Variants in LMX1A observed in about 807,000 individuals in gnomAD.
LMX1A encodes the protein LIM homeobox transcription factor 1 alpha.
In LMX1A, 15 loss-of-function variants were observed where a neutral mutation model predicts 49.1. The ratio of observed to expected loss-of-function variants is 0.31; its 90% confidence interval spans 0.20 to 0.47. The LOEUF is 0.47. Ranked by LOEUF, LMX1A falls within the 20% of genes least tolerant of loss-of-function variation. LMX1A has a pLI of 1.00. For missense variants in LMX1A, 372 were observed against 475.8 expected (o/e 0.78, Z 2.03); for synonymous variants, 167 against 185.7 (o/e 0.90, Z 0.82).
chr1:165,326,952 C>G (rs1655602914), intron 3 of LMX1A, among the ~76,000 whole-genome samples: 1 of 152,222 alleles, frequency 6.6e-6, no homozygotes, highest in African/African-American at 2.4e-5. Context: ...CAGACACACA[C>G]ACAGAACAAA....
At chr1:165,240,172 T>A (rs1260613638) in intron 4 of LMX1A, among the ~76,000 whole-genome samples, 1 of 152,214 alleles carries the variant, frequency 6.6e-6, no homozygotes, top group Non-Finnish European at 1.5e-5. Flanking sequence ...TACTAGCTTA[T>A]GATAAAAAAT....
At chr1:165,262,834 T>C (rs1309013766) in intron 3 of LMX1A, among the ~76,000 whole-genome samples, 1 of 152,192 alleles carries the variant, frequency 6.6e-6, no homozygotes, top group Non-Finnish European at 1.5e-5. Flanking sequence ...AAAAAAAATT[T>C]TAATTACTTC....
At position 165,236,345 on chromosome 1, in the gene LMX1A, C is replaced by CA. The variant is rs1327199653; in HGVS notation, c.496+13062dup. Among the ~76,000 whole-genome samples, 3 of 151,906 alleles carry CA rather than the reference C, an allele frequency of 2.0e-5. No individual in the cohort carries two copies. The East Asian group carries it at 5.8e-4, about 29-fold the overall frequency. On this transcript the variant is annotated intron_variant, in intron 4 of 8. Transcript: ENST00000342310. ...TTTTCCCTATCATAAATCAATCAAA[C>CA]AAAAATCTATCGTACAGGCTTGCAG...
chr1:165,259,749 T>C (rs1181454673), intron 3 of LMX1A, among the ~76,000 whole-genome samples: 2 of 152,164 alleles, frequency 1.3e-5, no homozygotes, highest in Non-Finnish European at 2.9e-5. Flanking sequence ...ATCAAGAAAC[T>C]AAAGAGATTA....
At chr1:165,349,626 T>C (rs1186853282) in intron 3 of LMX1A, among the ~76,000 whole-genome samples, 1 of 152,174 alleles carries the variant, frequency 6.6e-6, no homozygotes, top group African/African-American at 2.4e-5. Flanking sequence ...TGCTTTTTTT[T>C]TGGTAATCAG....
intron 3 of LMX1A, among the ~76,000 whole-genome samples, chr1:165,253,868 T>C (rs185799491): frequency 1.3e-3 from 204 of 152,158 alleles, no homozygotes; most frequent in Non-Finnish European, 2.6e-3. Flanking sequence ...TTTTTCTCTC[T>C]ATGTCTAAAC....
At chr1:165,285,089 T>C (rs993706925) in intron 3 of LMX1A, among the ~76,000 whole-genome samples, 9 of 152,228 alleles carry the variant, frequency 5.9e-5, no homozygotes, top group East Asian at 1.9e-4. Context: ...AAAGATTACA[T>C]GTTTAGTTTC....
At chr1:165,228,081 CA>C (rs1223084249) in intron 4 of LMX1A, among the ~76,000 whole-genome samples, 1 of 152,062 alleles carries the variant, frequency 6.6e-6, no homozygotes, top group African/African-American at 2.4e-5. Flanking sequence ...GAAGATATAT[CA>C]AAAAAGTAAA....
intron 3 of LMX1A, among the ~76,000 whole-genome samples, chr1:165,314,321 C>T (rs1655159576): frequency 6.6e-6 from 1 of 152,194 alleles, no homozygotes; most frequent in Non-Finnish European, 1.5e-5. Flanking sequence ...ATGAATGCAG[C>T]ATCCCAGATG....
intron 4 of LMX1A, among the ~76,000 whole-genome samples, chr1:165,231,302 T>TTA (rs1553203464): frequency 9.2e-5 from 14 of 151,664 alleles, no homozygotes; most frequent in African/African-American, 2.2e-4. Flanking sequence ...TTTTTTTTTT[T>TTA]TTATTATTTT....
At chr1:165,256,779 A>G (rs1025631585) in intron 3 of LMX1A, among the ~76,000 whole-genome samples, 3 of 152,150 alleles carry the variant, frequency 2.0e-5, no homozygotes, top group Non-Finnish European at 2.9e-5. Context: ...AGAATGTTTC[A>G]AAAGCACATA....
intron 4 of LMX1A, among the ~76,000 whole-genome samples, chr1:165,240,175 T>TA (rs1192404480): frequency 2.0e-5 from 3 of 152,200 alleles, no homozygotes; most frequent in African/African-American, 4.8e-5. Flanking sequence ...TAGCTTATGA[T>TA]AAAAAATGTA....
In LMX1A at chr1:165,353,156, C is replaced by A. The variant is rs751262846; in HGVS notation, c.183G>T (p.Gln61His). 6.2e-7 allele frequency: 1 copy of A among 1,614,172 alleles called. No homozygotes were observed. The highest frequency in any genetic ancestry group is 8.5e-7 in the Non-Finnish European group (1 of 1,180,018). ...NDSFWHEQCV[Q>H]CASCKEPLET... ...CCAGGGGCTCTTTGCAGGAGGCGCACTGCACGCACTGCTCATGCCAGAAGC... is the reference window on the plus strand; with the variant it reads ...CCAGGGGCTCTTTGCAGGAGGCGCAATGCACGCACTGCTCATGCCAGAAGC... The change falls in exon 3 of 9, where the codon CAG (glutamine) becomes CAT (histidine). Residue 61 changes from glutamine to histidine, a missense_variant. This residue lies in a region of LMX1A where 199 missense variants were observed against 244.0 expected (regional missense o/e 0.82). Coordinates refer to ENST00000342310, the MANE Select transcript of LMX1A (RefSeq NM_177398.4).
intron 3 of LMX1A, among the ~76,000 whole-genome samples, chr1:165,270,574 C>T (rs548421209): frequency 1.3e-5 from 2 of 152,218 alleles, no homozygotes; most frequent in Non-Finnish European, 2.9e-5. Context: ...AGAAAATGAA[C>T]CAGGTTTACT....
chr1:165,203,612 T>C lies in LMX1A; in HGVS notation c.*268A>G, dbSNP rs1650940202. 3.5e-6 allele frequency: 1 copy of C among 285,312 alleles called. No homozygotes were observed. The highest frequency in any genetic ancestry group is 4.5e-5 in the Admixed American group (1 of 22,210). 17.7% of individuals were successfully genotyped at this position (285,312 alleles called of 1,614,324 possible). ...TAAGTATCTAGTTTGCATGAGAATG[T>C]CTATATTAAAAGTCTCTGTCCTTAA... On this transcript the variant is annotated 3_prime_UTR_variant, in exon 9 of 9. Transcript: ENST00000342310.
intron 3 of LMX1A, among the ~76,000 whole-genome samples, chr1:165,329,738 C>G (rs1426280909): frequency 6.7e-6 from 1 of 150,064 alleles, no homozygotes; most frequent in African/African-American, 2.5e-5. Context: ...ATTAGTAAAA[C>G]CTATCAGACT....
intron 4 of LMX1A, among the ~76,000 whole-genome samples, chr1:165,221,587 G>C (rs907587665): frequency 2.6e-5 from 4 of 152,180 alleles, no homozygotes; most frequent in South Asian, 2.1e-4. Flanking sequence ...TGCAGAGGGG[G>C]GTTTCTGGGC....
At chr1:165,265,811 C>G (rs1653603396) in intron 3 of LMX1A, among the ~76,000 whole-genome samples, 1 of 152,090 alleles carries the variant, frequency 6.6e-6, no homozygotes, top group Non-Finnish European at 1.5e-5. Flanking sequence ...GTAGACAAAA[C>G]CCACAACACA....
chr1:165,258,893 A>G (rs1653338183), intron 3 of LMX1A, among the ~76,000 whole-genome samples: 1 of 152,226 alleles, frequency 6.6e-6, no homozygotes, highest in African/African-American at 2.4e-5. Flanking sequence ...TGAGCAAGTT[A>G]CAAACTCTCT....
Sources: allele counts gnomAD v4.1 joint callset (sites outside exome capture counted in the v4.1 genomes callset), GRCh38; gene constraint gnomAD v4.1.1; regional missense constraint gnomAD v4.1.1; transcripts MANE v1.5; gene names NCBI Gene and HGNC (gene_info 2026-07-23, HGNC 2026-07-21).